TSPOAP1: variants seen among roughly 807,000 people sequenced by gnomAD.
TSPOAP1 encodes peripheral-type benzodiazepine receptor-associated protein 1.
In TSPOAP1, 87 loss-of-function variants were observed where a neutral mutation model predicts 197.0. The observed-to-expected ratio is 0.44, with a 90% CI of 0.37 to 0.53. The LOEUF (loss-of-function observed/expected upper bound fraction) is 0.53. Ranked by LOEUF, TSPOAP1 falls within the 20% of genes least tolerant of loss-of-function variation. TSPOAP1 has a pLI of 0.00. For missense variants in TSPOAP1, 2,174 were observed against 2,411.3 expected, an observed-to-expected ratio of 0.90 and a Z score of 2.06; for synonymous variants, 913 against 998.9, an observed-to-expected ratio of 0.91 and a Z score of 1.62.
rs772162551 is a variant in TSPOAP1, at chr17:58,306,211, G to GACAGCCAAGCAGCGCCACCCACCAGC, written c.5224+105_5224+130dup. 1.9e-3 allele frequency: 1,895 copies of GACAGCCAAGCAGCGCCACCCACCAGC among 981,516 alleles called. 11 individuals are homozygous for GACAGCCAAGCAGCGCCACCCACCAGC. Among genetic ancestry groups the GACAGCCAAGCAGCGCCACCCACCAGC allele is most frequent in the Non-Finnish European group, 2.7e-3 (1,707 of 631,726 alleles). The allele number at this position is 981,516 out of a possible 1,614,324, so 60.8% of individuals were successfully genotyped here. A position where few individuals can be genotyped will look rare whatever the true frequency, so the allele number is the denominator to read the frequency against. On this transcript the variant is annotated intron_variant, in intron 26 of 31. Coordinates refer to ENST00000343736, the MANE Select transcript of TSPOAP1 (RefSeq NM_004758.4). ...TCAAAAACCCAGAGGTGCCTCCCCA[G>GACAGCCAAGCAGCGCCACCCACCAGC]ACAGCCAAGCAGCGCCACCCACCAG...
chr17:58,307,795 C>T (rs372256728), intron 23 of TSPOAP1, 33 bp from the exon 24 acceptor site: 91 of 1,613,478 alleles, frequency 5.6e-5, no homozygotes, highest in Non-Finnish European at 6.8e-5. Context: ...GGTGACGCAG[C>T]GAGCTCTGGC....
In TSPOAP1 at chr17:58,327,895, C is replaced by T. The variant is rs773126765; in HGVS notation, c.26G>A (p.Arg9Gln). 5 of 1,603,052 alleles carry T rather than the reference C, an allele frequency of 3.1e-6. No individual in the cohort carries two copies. The highest frequency in any genetic ancestry group is 4.3e-6 in the Non-Finnish European group (5 of 1,171,766). The change falls in exon 1 of 32, where the codon CGG (arginine) becomes CAG (glutamine). Residue 9 changes from arginine (R) to glutamine (Q), a missense_variant. Around this residue, in one of 5 missense-constraint regions of TSPOAP1, gnomAD observed 1,933 missense variants for 2,139.0 expected, o/e 0.90. Transcript: ENST00000343736. The part of the protein sequence containing the change: MEQLTTLP[R>Q]PGDPGAMEPW... ...CTCCATGGCTCCAGGGTCCCCAGGC[C>T]GTGGGAGGGTTGTCAGTTGCTCCAT...
chr17:58,322,954 T>G lies in TSPOAP1; in HGVS notation c.1190A>C (p.Glu397Ala). 4.3e-6 allele frequency: 7 copies of G among 1,610,152 alleles called. No homozygotes were observed. The highest frequency in any genetic ancestry group is 5.1e-6 in the Non-Finnish European group (6 of 1,178,330). ...GCACCTGGGCGGAAGTGGTACCTGC[T>G]CCTTCTCTGTGGCTCTCCCACTGAG... ...SRLSGRATEKEQVEWENAELR... is the reference protein window; with the variant it reads ...SRLSGRATEKAQVEWENAELR... The change falls in exon 8 of 32, where the codon GAG becomes GCG. Residue 397 changes from glutamate (E) to alanine (A), a missense_variant. By Grantham distance (107) the Glu-to-Ala change is moderately radical (BLOSUM62 -1). Transcript: ENST00000343736. The surrounding 1 kb of genome is among the most constrained non-coding windows in gnomAD (Gnocchi z 5.0).
Position 58,327,947 on chromosome 17 carries a change from G to A in TSPOAP1, c.-27C>T, listed in dbSNP as rs753537538. The A allele has an allele frequency of 7.8e-5, 121 of 1,550,350 alleles. No individual in the cohort carries two copies. Among genetic ancestry groups the A allele is most frequent in the Non-Finnish European group, 9.5e-5 (109 of 1,144,464 alleles). The stretch of plus-strand genomic sequence containing the variant: ...GTACTGCCAAGGGGCCCCAGAACCC[G>A]GGCCGGGGGACATCACCCAGCCAGG... On this transcript the variant is annotated 5_prime_UTR_variant, in exon 1 of 32. Coordinates refer to ENST00000343736, the MANE Select transcript of TSPOAP1 (RefSeq NM_004758.4).
rs781377166 is a variant in TSPOAP1, at chr17:58,312,138, C to T, written c.2683G>A (p.Ala895Thr). 1 of 1,613,264 alleles carries T rather than the reference C, an allele frequency of 6.2e-7. No homozygotes were observed. The highest frequency in any genetic ancestry group is 8.5e-7 in the Non-Finnish European group (1 of 1,180,010). ...PSQLRVHRLT[A>T]TSAEITWVPG... ...ACCCAGGTGATCTCAGCAGATGTGG[C>T]TGTCAACCGATGGACCCGCAGCTGG... Residue 895 changes from alanine (A) to threonine (T), a missense_variant, in exon 17 of 32, where the codon GCC becomes ACC. Ala to Thr is a moderately conservative substitution (Grantham distance 58). This residue lies in a region of TSPOAP1 where 1,933 missense variants were observed against 2,139.0 expected (regional missense o/e 0.90). Transcript: ENST00000343736.
Position 58,325,714 on chromosome 17 carries a change from C to T in TSPOAP1, c.571-1G>A, listed in dbSNP as rs1971570792. ...CCGGCCGGGGCAAGGGGGCACTCAC[C>T]TAGCCAGAGGAGGGGTAAGGCCAAT... On this transcript the variant is annotated splice_acceptor_variant, in intron 3 of 31. Coordinates refer to ENST00000343736, the MANE Select transcript of TSPOAP1 (RefSeq NM_004758.4). LOFTEE classifies it high-confidence loss of function. 6.2e-7 allele frequency: 1 copy of T among 1,603,708 alleles called. No individual in the cohort carries two copies. Among genetic ancestry groups the T allele is most frequent in the African/African-American group, 1.3e-5 (1 of 74,830 alleles).
At position 58,319,253 on chromosome 17, in the gene TSPOAP1, G is replaced by C. The variant is rs776632678; in HGVS notation, c.1536C>G (p.Thr512=). The C allele has an allele frequency of 1.3e-6, 2 of 1,598,050 alleles. No individual in the cohort carries two copies. The highest frequency in any genetic ancestry group is 2.3e-5 in the South Asian group (2 of 88,224). Residue 512 remains threonine, a synonymous_variant, in exon 13 of 32, where the codon ACC becomes ACG. Transcript: ENST00000343736. The stretch of plus-strand genomic sequence containing the variant: ...CCTGTGCCAGGAGGCTGAACTGCTC[G>C]GTTTGGCTGCGGCACTGTTCTTCGA... ...RELEEQCRSQ[T]EQFSLLAQEL...
Position 58,305,790 on chromosome 17 carries a change from T to C in TSPOAP1, c.5257+43A>G, listed in dbSNP as rs562226921. 2.5e-6 allele frequency: 4 copies of C among 1,610,142 alleles called. No individual in the cohort carries two copies. The South Asian group carries it at 3.3e-5, about 13-fold the overall frequency. On this transcript the variant is annotated intron_variant, in intron 27 of 31. Transcript: ENST00000343736. ...GCGAGGCCAGAGGGGCCACCCACCC[T>C]ATCTCCTTCCCCAGCCTCCCGGGCC...
intron 24 of TSPOAP1, among the ~76,000 whole-genome samples, chr17:58,307,193 C>T (rs1384227605): frequency 6.6e-6 from 1 of 152,194 alleles, no homozygotes; most frequent in Non-Finnish European, 1.5e-5. Flanking sequence ...ATGCCCTTTG[C>T]CCACCCCAGA....
Position 58,326,173 on chromosome 17 carries a change from T to G in TSPOAP1, c.570+120A>C. 4 of 1,476,618 alleles carry G rather than the reference T, an allele frequency of 2.7e-6. No homozygotes were observed. The highest frequency in any genetic ancestry group is 3.6e-6 in the Non-Finnish European group (4 of 1,103,880). 91.5% of individuals were successfully genotyped at this position (1,476,618 alleles called of 1,614,324 possible). On this transcript the variant is annotated intron_variant, in intron 3 of 31. Transcript: ENST00000343736. The surrounding 1 kb of genome is among the most constrained non-coding windows in gnomAD (Gnocchi z 4.7). ...TCCTGCACCTTAGCCCCTAGATTCT[T>G]GCTTTCCTAGGTGCTGAGCTGAGAC...
In TSPOAP1 at chr17:58,301,657, G is replaced by C. The variant is rs1368170081; in HGVS notation, c.*823C>G. On this transcript the variant is annotated 3_prime_UTR_variant, in exon 32 of 32. Coordinates refer to ENST00000343736, the MANE Select transcript of TSPOAP1 (RefSeq NM_004758.4). ...GGCAGGGAAGGATGGAGCACGACGG[G>C]GGCAGGGTGGGGCCCACTTTGGCTT... 6.5e-6 allele frequency: 1 copy of C among 152,792 alleles called. No individual in the cohort carries two copies. Among genetic ancestry groups the C allele is most frequent in the African/African-American group, 2.4e-5 (1 of 41,462 alleles). The allele number at this position is 152,792 out of a possible 1,614,324, so 9.5% of individuals were successfully genotyped here. A position where few individuals can be genotyped will look rare whatever the true frequency, so the allele number is the denominator to read the frequency against.
At position 58,319,366 on chromosome 17, in the gene TSPOAP1, C is replaced by G; in HGVS notation, c.1495-72G>C. On this transcript the variant is annotated intron_variant, in intron 12 of 31. Transcript: ENST00000343736. ...AGTGCCAGCCCGTGCCATCTGTACACAGCCCTACACTGGGTTTCAGGTCAT... is the reference window on the plus strand; with the variant it reads ...AGTGCCAGCCCGTGCCATCTGTACAGAGCCCTACACTGGGTTTCAGGTCAT... The G allele has an allele frequency of 2.8e-6, 4 of 1,448,162 alleles. No individual in the cohort carries two copies. In the South Asian group the frequency reaches 4.0e-5, roughly 15 times the overall value. 89.7% of individuals were successfully genotyped at this position (1,448,162 alleles called of 1,614,324 possible).
intron 26 of TSPOAP1, 81 bp from the exon 27 acceptor site, chr17:58,305,946 G>C: frequency 2.1e-6 from 3 of 1,400,338 alleles, no homozygotes; most frequent in Non-Finnish European, 2.9e-6. Context: ...CCAGACACTC[G>C]CCCACACACA....
At chr17:58,325,852 A>T in intron 3 of TSPOAP1, 139 bp from the exon 4 acceptor site, 1 of 869,082 alleles carries the variant, frequency 1.2e-6, no homozygotes, top group Non-Finnish European at 1.7e-6. Context: ...GGGGTCTCAG[A>T]AAACCAGCAG....
Position 58,318,444 on chromosome 17 carries a change from G to C in TSPOAP1, c.1708C>G (p.Leu570Val). 2 of 1,612,672 alleles carry C rather than the reference G, an allele frequency of 1.2e-6. No homozygotes were observed. Among genetic ancestry groups the C allele is most frequent in the Non-Finnish European group, 8.5e-7 (1 of 1,179,564 alleles). ...CRGSGPKDLD[L>V]PPGSPGRCTP... ...CAGCGCCCAGGGGAGCCCGGCGGGA[G>C]GTCAAGGTCTAAAGAGAAGATGGCA... Residue 570 changes from leucine to valine, a missense_variant, in exon 14 of 32, where the codon CTC becomes GTC. By Grantham distance (32) the Leu-to-Val change is conservative. Around this residue, in one of 5 missense-constraint regions of TSPOAP1, gnomAD observed 1,933 missense variants for 2,139.0 expected, o/e 0.90. Coordinates refer to ENST00000343736, the MANE Select transcript of TSPOAP1 (RefSeq NM_004758.4).
chr17:58,305,654 A>G lies in TSPOAP1; in HGVS notation c.5258-11T>C, dbSNP rs1447143773. The G allele has an allele frequency of 2.1e-6, 3 of 1,429,258 alleles. No homozygotes were observed. Among genetic ancestry groups the G allele is most frequent in the Non-Finnish European group, 2.9e-6 (3 of 1,046,572 alleles). The allele number at this position is 1,429,258 out of a possible 1,614,324, so 88.5% of individuals were successfully genotyped here. ...CCAGCTTAGGGGGGCCTGCAGGGGG[A>G]GTAGGAGAAGACTCTGGACTCTCTG... On this transcript the variant is annotated splice_polypyrimidine_tract_variant and intron_variant, in intron 27 of 31. Coordinates refer to ENST00000343736, the MANE Select transcript of TSPOAP1 (RefSeq NM_004758.4).
At chr17:58,317,971 G>C (rs1210013034) in intron 14 of TSPOAP1, among the ~76,000 whole-genome samples, 1 of 152,258 alleles carries the variant, frequency 6.6e-6, no homozygotes, top group Non-Finnish European at 1.5e-5. Flanking sequence ...CTTAGGAACA[G>C]TCTCATTATG....
chr17:58,315,916 GATGGATGGATGGATGA>G (rs771063819), intron 16 of TSPOAP1, 91 bp downstream of exon 16: 15,760 of 858,102 alleles, frequency 0.018, 192 homozygotes, highest in Middle Eastern at 0.035. Flanking sequence ...TGGATGGATG[GATGGATGGATGGATGA>G]ATGGATGGAT....
intron 26 of TSPOAP1, 47 bp downstream of exon 26, chr17:58,306,295 G>C: frequency 6.6e-7 from 1 of 1,510,842 alleles, no homozygotes; most frequent in South Asian, 1.2e-5. Flanking sequence ...CCACCCCACC[G>C]CACACACATC....
Sources: gnomAD v4.1 joint callset for allele counts (sites outside exome capture counted in the v4.1 genomes callset) on GRCh38, gnomAD v4.1.1 for gene constraint, gnomAD v4.1.1 regional missense constraint, Gnocchi (gnomAD v3.1) non-coding constraint, MANE v1.5 for transcripts, NCBI Gene and HGNC (gene_info 2026-07-23, HGNC 2026-07-21) for gene names.